SORBS2: variants seen among roughly 807,000 people sequenced by gnomAD.
SORBS2 encodes sorbin and SH3 domain-containing protein 2.
Under a neutral mutation model 97.7 loss-of-function variants are expected in SORBS2, and 46 were observed. The ratio of observed to expected loss-of-function variants is 0.47; its 90% confidence interval spans 0.37 to 0.60. The LOEUF (loss-of-function observed/expected upper bound fraction) is 0.60, where lower values mean the gene tolerates loss of function less well. SORBS2 is among the 20% of genes least tolerant of loss of function. The pLI is 0.00. For synonymous variants in SORBS2, 476 were observed against 473.4 expected (o/e 1.01, Z -0.07); for missense variants, 1,316 against 1,282.3 (o/e 1.03, Z -0.40).
intron 4 of SORBS2, among the ~76,000 whole-genome samples, chr4:185,642,343 T>A (rs2097139698): frequency 6.6e-6 from 1 of 152,110 alleles, no homozygotes; most frequent in African/African-American, 2.4e-5. Flanking sequence ...AGGGTAACAT[T>A]TTCATATATT....
chr4:185,728,762 G>T (rs140942266), intron 2 of SORBS2, among the ~76,000 whole-genome samples: 12 of 152,078 alleles, frequency 7.9e-5, no homozygotes, highest in Non-Finnish European at 1.3e-4. Context: ...TCATTAAATC[G>T]CCCATTTAGT....
At chr4:185,638,383 C>T (rs1279801842) in intron 4 of SORBS2, among the ~76,000 whole-genome samples, 2 of 152,186 alleles carry the variant, frequency 1.3e-5, no homozygotes, top group Non-Finnish European at 2.9e-5. Flanking sequence ...CTGTTTCCTG[C>T]GTCCATCGTT....
At chr4:185,739,065 A>G (rs1193519208) in intron 2 of SORBS2, among the ~76,000 whole-genome samples, 5 of 152,264 alleles carry the variant, frequency 3.3e-5, no homozygotes, top group Admixed American at 6.5e-5. Context: ...GGTTCATAGC[A>G]AGTGAATAAT....
chr4:185,605,845 G>A lies in SORBS2; in HGVS notation c.2796+5935C>T, dbSNP rs570196985. Among the ~76,000 whole-genome samples, 8 of 152,300 alleles carry A rather than the reference G, an allele frequency of 5.3e-5. No homozygotes were observed. The South Asian group carries it at 1.5e-3, about 28-fold the overall frequency. On this transcript the variant is annotated intron_variant, in intron 12 of 14. Transcript: ENST00000418609. ...GGTGATCTGCCTGCCTCGGCCTCTG[G>A]AAGTGCTGGCGTTGCAGGCTCGTTT... is the stretch of plus-strand genomic sequence containing the variant.
At chr4:185,798,548 A>C (rs1211632808) in intron 1 of SORBS2, among the ~76,000 whole-genome samples, 1 of 152,240 alleles carries the variant, frequency 6.6e-6, no homozygotes, top group East Asian at 1.9e-4. Flanking sequence ...AACTACACTT[A>C]ATAGCTTTTT....
intron 1 of SORBS2, among the ~76,000 whole-genome samples, chr4:185,884,955 G>A (rs547983535): frequency 2.0e-5 from 3 of 152,204 alleles, no homozygotes; most frequent in East Asian, 1.9e-4. Context: ...GTGGTGGCAC[G>A]GCATAAATTG....
intron 1 of SORBS2, among the ~76,000 whole-genome samples, chr4:185,913,246 C>T (rs976278886): frequency 1.3e-5 from 2 of 152,158 alleles, no homozygotes; most frequent in African/African-American, 2.4e-5. Flanking sequence ...TTATATAAAA[C>T]AGAGTCATGA....
intron 1 of SORBS2, among the ~76,000 whole-genome samples, chr4:185,856,067 T>G (rs1462896759): frequency 6.6e-6 from 1 of 152,180 alleles, no homozygotes; most frequent in African/African-American, 2.4e-5. Flanking sequence ...TTTCTGAAAA[T>G]GTATATGATT....
intron 2 of SORBS2, among the ~76,000 whole-genome samples, chr4:185,679,613 G>A (rs2097843541): frequency 6.6e-6 from 1 of 152,162 alleles, no homozygotes; most frequent in South Asian, 2.1e-4. Flanking sequence ...TGTGTTGCCT[G>A]GTTTATTAAA....
chr4:185,639,705 A>C (rs186043893), intron 4 of SORBS2, among the ~76,000 whole-genome samples: 21 of 152,306 alleles, frequency 1.4e-4, no homozygotes, highest in African/African-American at 4.8e-4. Flanking sequence ...GTCAGAAAAA[A>C]AATTCTAAGA....
chr4:185,623,970 C>G lies in SORBS2; in HGVS notation c.1159G>C (p.Glu387Gln), dbSNP rs756295253. 14 of 1,614,006 alleles carry G rather than the reference C, an allele frequency of 8.7e-6. No individual in the cohort carries two copies. Among genetic ancestry groups the G allele is most frequent in the Non-Finnish European group, 1.1e-5 (13 of 1,180,020 alleles). The stretch of plus-strand genomic sequence containing the variant: ...CGCAGCAGGTCCTTGTGCTGCTGCT[C>G]GCTCTCGTACTGCAGAATCCTGGAC... The change falls in exon 7 of 15, where the codon GAG becomes CAG. Residue 387 changes from glutamate to glutamine, a missense_variant. Physicochemically the swap from Glu to Gln is conservative, Grantham distance 29. Coordinates refer to ENST00000418609, the Ensembl canonical transcript of SORBS2. The surrounding 1 kb of genome is among the most constrained non-coding windows in gnomAD (Gnocchi z 6.4).
intron 1 of SORBS2, among the ~76,000 whole-genome samples, chr4:185,860,778 G>C (rs962341681): frequency 6.6e-6 from 1 of 152,186 alleles, no homozygotes; most frequent in African/African-American, 2.4e-5. Context: ...CTGATTGGCA[G>C]TTGGTTGAAA....
intron 1 of SORBS2, among the ~76,000 whole-genome samples, chr4:185,875,746 C>T (rs1038545646): frequency 7.2e-5 from 11 of 152,222 alleles, no homozygotes; most frequent in Non-Finnish European, 1.6e-4. Context: ...CAGGTCCATG[C>T]TTACGTGCAT....
At chr4:185,622,672 T>A (rs1281900175) in intron 7 of SORBS2, among the ~76,000 whole-genome samples, 1 of 152,226 alleles carries the variant, frequency 6.6e-6, no homozygotes, top group East Asian at 1.9e-4. Flanking sequence ...CCTCTCGTTT[T>A]CGAAAGAGTA....
At chr4:185,914,659 AT>A (rs1289395855) in intron 1 of SORBS2, among the ~76,000 whole-genome samples, 1 of 152,180 alleles carries the variant, frequency 6.6e-6, no homozygotes, top group Non-Finnish European at 1.5e-5. Context: ...AACATTATGC[AT>A]TTTTTGGGTT....
At chr4:185,589,767 G>T in exon 14 of SORBS2, 1 of 1,603,550 alleles carries the variant, frequency 6.2e-7, no homozygotes, top group Non-Finnish European at 8.5e-7. Flanking sequence ...TGGGAGTATA[G>T]TTATACAGAG....
At chr4:185,731,040 G>A (rs1383994347) in intron 2 of SORBS2, among the ~76,000 whole-genome samples, 1 of 152,076 alleles carries the variant, frequency 6.6e-6, no homozygotes, top group African/African-American at 2.4e-5. Context: ...CTATTTTCTA[G>A]GTTTTTCTCA....
chr4:185,941,988 C>T (rs896204178), intron 1 of SORBS2, among the ~76,000 whole-genome samples: 5 of 151,970 alleles, frequency 3.3e-5, no homozygotes, highest in Admixed American at 2.0e-4. Context: ...TGGTTGTGCA[C>T]GCCTGTAATT....
chr4:185,846,254 G>A (rs985501432), intron 1 of SORBS2, among the ~76,000 whole-genome samples: 5 of 152,140 alleles, frequency 3.3e-5, no homozygotes, highest in Non-Finnish European at 5.9e-5. Flanking sequence ...GCAACAAATG[G>A]ACGCCTCTCA....
Sources: gnomAD v4.1 joint callset for allele counts (sites outside exome capture counted in the v4.1 genomes callset) on GRCh38, gnomAD v4.1.1 for gene constraint, Gnocchi (gnomAD v3.1) non-coding constraint, MANE v1.5 for transcripts, NCBI Gene and HGNC (gene_info 2026-07-23, HGNC 2026-07-21) for gene names.